Variants in RUFY4 observed in about 807,000 individuals in gnomAD.
The protein encoded by RUFY4 is RUN and FYVE domain containing 4.
RUFY4 carries 73 observed loss-of-function variants against 69.0 expected under a neutral mutation model. The observed-to-expected ratio is 1.06, with a 90% confidence interval of 0.88 to 1.29. The LOEUF is 1.29. Among genes scored for constraint, RUFY4 ranks in the 50% most tolerant of loss-of-function variants. The pLI is 0.00. For synonymous variants in RUFY4, 287 were observed against 271.8 expected, an observed-to-expected ratio of 1.06 and a Z score of -0.55; for missense variants, 770 against 705.6, an observed-to-expected ratio of 1.09 and a Z score of -1.03.
chr2:218,073,590 G>A (rs1014343894), intron 5 of RUFY4, among the ~76,000 whole-genome samples: 14 of 152,244 alleles, frequency 9.2e-5, no homozygotes, highest in Non-Finnish European at 1.8e-4. Context: ...ACTCACTAAC[G>A]ACTTCCTGGG....
chr2:218,089,260 ACCG>A, exon 10 of RUFY4: 1 of 1,613,038 alleles, frequency 6.2e-7, no homozygotes, highest in Non-Finnish European at 8.5e-7. Flanking sequence ...AGAGAGAAGG[ACCG>A]CCTGTGGCAG....
chr2:218,079,132 G>A (rs575234505), intron 8 of RUFY4, among the ~76,000 whole-genome samples: 44 of 152,300 alleles, frequency 2.9e-4, no homozygotes, highest in Non-Finnish European at 4.4e-4. Flanking sequence ...GCCTCCCAAA[G>A]TGTAGAGATT....
intron 8 of RUFY4, among the ~76,000 whole-genome samples, chr2:218,080,532 G>A (rs1473037071): frequency 6.6e-6 from 1 of 152,202 alleles, no homozygotes; most frequent in Non-Finnish European, 1.5e-5. Context: ...GAGACGGTGG[G>A]ATAGCTAAGG....
At chr2:218,036,814 T>A (rs940619944) in intron 2 of RUFY4, among the ~76,000 whole-genome samples, 3 of 152,222 alleles carry the variant, frequency 2.0e-5, no homozygotes, top group African/African-American at 7.2e-5. Context: ...AGTTTAAATA[T>A]CTCTGGTTAT....
At position 218,089,933 on chromosome 2, in the gene RUFY4, T is replaced by C. The variant is rs760025621; in HGVS notation, c.1614-19T>C. On this transcript the variant is annotated intron_variant, in intron 10 of 10. Transcript: ENST00000344321. Reference sequence around the variant, plus strand: ...CAGCTGCAGAGGCCGCCCCAGGCTTTCCTGCCTCTGCCTTCCAGGCTCTGT... The same window carrying C: ...CAGCTGCAGAGGCCGCCCCAGGCTTCCCTGCCTCTGCCTTCCAGGCTCTGT... 5.2e-6 allele frequency: 8 copies of C among 1,544,570 alleles called. No homozygotes were observed. The highest frequency in any genetic ancestry group is 7.0e-6 in the Non-Finnish European group (8 of 1,140,372).
intron 3 of RUFY4, chr2:218,060,324 C>T: frequency 6.6e-7 from 1 of 1,520,628 alleles, no homozygotes. Flanking sequence ...CGGGACTGCA[C>T]TTAGGCAAGA....
intron 2 of RUFY4, among the ~76,000 whole-genome samples, chr2:218,043,241 G>A (rs1574491998): frequency 1.3e-5 from 2 of 151,948 alleles, no homozygotes; most frequent in Admixed American, 6.6e-5. Context: ...CAGCTCTCAG[G>A]AGAGAGGGTA....
At chr2:218,078,096 G>C (rs1193974045) in intron 8 of RUFY4, among the ~76,000 whole-genome samples, 2 of 152,194 alleles carry the variant, frequency 1.3e-5, no homozygotes, top group East Asian at 3.8e-4. Flanking sequence ...TCCTCTCACA[G>C]ACAAAACAGG....
At chr2:218,070,434 G>C, upstream of RUFY4, 1 of 659,504 alleles carries the variant, frequency 1.5e-6, no homozygotes. Context: ...ACAAGATAGA[G>C]CTGGGATTCT....
upstream of RUFY4, among the ~76,000 whole-genome samples, chr2:218,067,144 T>C (rs1689357013): frequency 6.6e-6 from 1 of 152,228 alleles, no homozygotes; most frequent in Non-Finnish European, 1.5e-5. Context: ...TCCGGTCCTT[T>C]CTCCCAAGTT....
intron 2 of RUFY4, among the ~76,000 whole-genome samples, chr2:218,048,934 G>A (rs2106030194): frequency 6.6e-6 from 1 of 152,156 alleles, no homozygotes; most frequent in East Asian, 1.9e-4. Flanking sequence ...ATCTCCCATG[G>A]GTTAAGTTGG....
chr2:218,083,347 A>C, intron 9 of RUFY4, 91 bp downstream of exon 11: 1 of 1,470,270 alleles, frequency 6.8e-7, no homozygotes. Context: ...TCCACTCACA[A>C]CTCCCAAGCA....
At chr2:218,075,326 G>A in exon 7 of RUFY4, 4 of 1,610,354 alleles carry the variant, frequency 2.5e-6, no homozygotes, top group Non-Finnish European at 3.4e-6. Context: ...TAGACCAGGA[G>A]GAAAGAGCCC....
intron 3 of RUFY4, chr2:218,060,591 CA>C: frequency 7.5e-7 from 1 of 1,341,020 alleles, no homozygotes; most frequent in South Asian, 1.2e-5. Context: ...TCTGGGTTCC[CA>C]TGAGGGTGTC....
intron 3 of RUFY4, chr2:218,060,506 G>T: frequency 2.3e-6 from 3 of 1,313,164 alleles, no homozygotes; most frequent in Non-Finnish European, 3.3e-6. Flanking sequence ...AGGTAGCTGT[G>T]AAGGATGCCC....
chr2:218,085,458 A>G (rs1041570768), intron 9 of RUFY4, among the ~76,000 whole-genome samples: 9 of 152,200 alleles, frequency 5.9e-5, no homozygotes, highest in Non-Finnish European at 2.9e-5. Flanking sequence ...TTTCTCTAAA[A>G]TGACTATAAA....
At chr2:218,075,462 G>C in exon 7 of RUFY4, 3 of 1,607,678 alleles carry the variant, frequency 1.9e-6, no homozygotes, top group Non-Finnish European at 2.5e-6. Context: ...GCTGGTTGCA[G>C]AGGGTCAGAG....
chr2:218,044,091 C>T lies in RUFY4; in HGVS notation c.-1158+8697C>T, dbSNP rs189829956. On this transcript the variant is annotated intron_variant and NMD_transcript_variant, in intron 2 of 13. Coordinates refer to the RUFY4 transcript ENST00000457754. ...GGCAGCAGGAGCAGGCCCTTCTGAG[C>T]CTGCAAGGGTCAGGGAGGCCTTCTG... Among the ~76,000 whole-genome samples the T allele has an allele frequency of 1.4e-3, 220 of 152,304 alleles. 1 individual carries two copies. Among genetic ancestry groups the T allele is most frequent in the Middle Eastern group, 3.4e-3 (1 of 294 alleles).
At chr2:218,079,908 A>T (rs1481773509) in intron 8 of RUFY4, among the ~76,000 whole-genome samples, 9 of 152,152 alleles carry the variant, frequency 5.9e-5, no homozygotes, top group Admixed American at 6.5e-5. Context: ...TGGCCATTGG[A>T]TGGATGCTAG....
Sources: allele counts gnomAD v4.1 joint callset (sites outside exome capture counted in the v4.1 genomes callset), GRCh38; gene constraint gnomAD v4.1.1; transcripts MANE v1.5; gene names NCBI Gene and HGNC (gene_info 2026-07-23, HGNC 2026-07-21).